The following EIF4G3 variants were observed in gnomAD, a reference collection of about 807,000 sequenced individuals.
EIF4G3 encodes eIF-4-gamma 3.
EIF4G3 carries 34 observed loss-of-function variants against 186.4 expected under a neutral mutation model. The ratio of observed to expected loss-of-function variants is 0.18; its 90% CI spans 0.14 to 0.24. The LOEUF (loss-of-function observed/expected upper bound fraction) is 0.24, where lower values mean the gene tolerates loss of function less well. Among genes scored for constraint, EIF4G3 ranks in the 10% least tolerant of loss-of-function variants. The pLI is 1.00. For synonymous variants in EIF4G3, 673 were observed against 679.5 expected, an observed-to-expected ratio of 0.99 and a Z score of 0.15; for missense variants, 1,536 against 1,948.5, an observed-to-expected ratio of 0.79 and a Z score of 3.99.
intron 31 of EIF4G3, among the ~76,000 whole-genome samples, chr1:20,828,562 A>C (rs1184904924): frequency 6.6e-6 from 1 of 152,198 alleles, no homozygotes; most frequent in Non-Finnish European, 1.5e-5. Flanking sequence ...TGTTTTGTTA[A>C]TCTCAAAGAA....
intron 3 of EIF4G3, among the ~76,000 whole-genome samples, chr1:21,067,089 A>C (rs985947501): frequency 2.6e-5 from 4 of 152,022 alleles, no homozygotes; most frequent in African/African-American, 4.8e-5. Flanking sequence ...CTTTTGAAGA[A>C]AAGTAATCAG....
chr1:20,898,513 T>G (rs919476084), intron 16 of EIF4G3, among the ~76,000 whole-genome samples: 17 of 152,194 alleles, frequency 1.1e-4, no homozygotes, highest in Non-Finnish European at 2.2e-4. Context: ...CTTACTTACA[T>G]GTAATAGACT....
intron 12 of EIF4G3, among the ~76,000 whole-genome samples, chr1:20,965,822 A>C (rs1041629860): frequency 6.6e-6 from 1 of 152,114 alleles, no homozygotes; most frequent in African/African-American, 2.4e-5. Flanking sequence ...GAACTTAAAC[A>C]ATTTTTAAGT....
At chr1:21,116,615 G>A (rs35070740) in intron 2 of EIF4G3, among the ~76,000 whole-genome samples, 4,272 of 151,926 alleles carry the variant, frequency 0.028, 91 homozygotes, top group Middle Eastern at 0.041. Context: ...AGGGGGGTGC[G>A]GATCACAGGG....
intron 3 of EIF4G3, among the ~76,000 whole-genome samples, chr1:21,085,829 G>A (rs543279322): frequency 2.0e-5 from 3 of 152,156 alleles, no homozygotes; most frequent in Admixed American, 1.3e-4. Context: ...GAATAGCTGG[G>A]ACTACAGGTT....
intron 9 of EIF4G3, 128 bp from the exon 10 acceptor site, chr1:20,980,576 A>G: frequency 1.6e-6 from 1 of 636,748 alleles, no homozygotes; most frequent in South Asian, 2.6e-5. Flanking sequence ...CATTTAAATG[A>G]GGTAAAGCGA....
rs1299892020 is a variant in EIF4G3, at chr1:20,813,247, CA to C, written c.4516-9del. On this transcript the variant is annotated splice_polypyrimidine_tract_variant and intron_variant, in intron 34 of 36. Coordinates refer to ENST00000602326, the MANE Select transcript of EIF4G3 (RefSeq NM_001391906.1). Reference sequence around the variant, plus strand: ...GATTTCGTCTAGATTAGCCTGAAGTCAAAAAGAAATAAAACAATTAAAGATA... The same window carrying C: ...GATTTCGTCTAGATTAGCCTGAAGTCAAAAGAAATAAAACAATTAAAGATA... 1 of 1,607,272 alleles carries C rather than the reference CA, an allele frequency of 6.2e-7. No homozygotes were observed. Among genetic ancestry groups the C allele is most frequent in the East Asian group, 2.2e-5 (1 of 44,844 alleles).
At chr1:20,987,109 A>T (rs2079748665) in intron 7 of EIF4G3, among the ~76,000 whole-genome samples, 1 of 152,206 alleles carries the variant, frequency 6.6e-6, no homozygotes, top group Non-Finnish European at 1.5e-5. Context: ...AAATCCTTCT[A>T]AAGATGCAAT....
At chr1:20,941,452 A>G (rs758833958) in intron 14 of EIF4G3, 39 bp downstream of exon 14, 1 of 1,606,754 alleles carries the variant, frequency 6.2e-7, no homozygotes, top group Non-Finnish European at 8.5e-7. Flanking sequence ...CCTCTTCTTC[A>G]TGTTCAGCAA....
chr1:20,969,603 G>T lies in EIF4G3; in HGVS notation c.592-7C>A. 6.2e-7 allele frequency: 1 copy of T among 1,612,362 alleles called. No homozygotes were observed. The highest frequency in any genetic ancestry group is 8.5e-7 in the Non-Finnish European group (1 of 1,179,136). On this transcript the variant is annotated splice_region_variant and splice_polypyrimidine_tract_variant and intron_variant, in intron 11 of 36. Coordinates refer to ENST00000602326, the MANE Select transcript of EIF4G3 (RefSeq NM_001391906.1). The stretch of plus-strand genomic sequence containing the variant: ...TTGGATCCCGAATTCTTATCTATAA[G>T]GTTAAATAAAATGACATATGTACAG...
intron 24 of EIF4G3, 65 bp downstream of exon 24, chr1:20,860,320 A>C: frequency 1.2e-6 from 2 of 1,601,146 alleles, no homozygotes; most frequent in Admixed American, 3.4e-5. Context: ...ACCTAAATAC[A>C]TAATTCTTAA....
chr1:20,953,971 C>T (rs1381136440), intron 12 of EIF4G3, among the ~76,000 whole-genome samples: 1 of 152,154 alleles, frequency 6.6e-6, no homozygotes, highest in Non-Finnish European at 1.5e-5. Flanking sequence ...TCGAAGAGTG[C>T]TAAAAGAGAC....
intron 7 of EIF4G3, among the ~76,000 whole-genome samples, chr1:20,982,892 C>T (rs1312630099): frequency 6.6e-6 from 1 of 152,190 alleles, no homozygotes; most frequent in Non-Finnish European, 1.5e-5. Context: ...GACTTGCTTG[C>T]TCTTTTTAAC....
intron 30 of EIF4G3, among the ~76,000 whole-genome samples, chr1:20,832,558 G>A (rs1383241913): frequency 2.1e-5 from 3 of 146,278 alleles, no homozygotes; most frequent in African/African-American, 7.5e-5. Flanking sequence ...CATTTTGTAG[G>A]TTGCCTGTTC....
intron 14 of EIF4G3, among the ~76,000 whole-genome samples, chr1:20,939,827 C>T (rs965655614): frequency 6.6e-6 from 1 of 150,734 alleles, no homozygotes; most frequent in Non-Finnish European, 1.5e-5. Context: ...CCTACAGCCA[C>T]ACCAACACCA....
chr1:20,948,359 T>C (rs1158882866), intron 13 of EIF4G3, among the ~76,000 whole-genome samples: 1 of 152,172 alleles, frequency 6.6e-6, no homozygotes, highest in Non-Finnish European at 1.5e-5. Context: ...ATGCAGGAGT[T>C]CTCCTTTAAC....
chr1:21,000,382 G>A (rs534364706), intron 6 of EIF4G3, among the ~76,000 whole-genome samples: 1 of 152,126 alleles, frequency 6.6e-6, no homozygotes, highest in Non-Finnish European at 1.5e-5. Flanking sequence ...CTGCGCAATT[G>A]CCAATGGCCT....
intron 7 of EIF4G3, chr1:20,988,255 G>A (rs1316098920): frequency 5.9e-6 from 1 of 170,246 alleles, no homozygotes; most frequent in East Asian, 1.9e-4. Flanking sequence ...TTATCCAGAA[G>A]ATCCAGCCAA....
intron 14 of EIF4G3, among the ~76,000 whole-genome samples, chr1:20,919,445 T>C (rs959435506): frequency 6.6e-6 from 1 of 152,146 alleles, no homozygotes; most frequent in Non-Finnish European, 1.5e-5. Flanking sequence ...GCTCAACCAA[T>C]CCACCCAACT....
Sources: gnomAD v4.1 joint callset for allele counts (sites outside exome capture counted in the v4.1 genomes callset) on GRCh38, gnomAD v4.1.1 for gene constraint, MANE v1.5 for transcripts, NCBI Gene and HGNC (gene_info 2026-07-23, HGNC 2026-07-21) for gene names.